The following ZFHX3 variants were observed in gnomAD, a reference collection of about 807,000 sequenced individuals.
The protein encoded by ZFHX3 is zinc finger homeobox 3, also known as zinc finger homeobox protein 3.
Under a neutral mutation model 279.1 loss-of-function variants are expected in ZFHX3, and 42 were observed. That is an observed-to-expected ratio of 0.15 (90% CI 0.12 to 0.19). ZFHX3 has a LOEUF of 0.19. Ranked by LOEUF, ZFHX3 falls within the 10% of genes least tolerant of loss-of-function variation. The pLI is 1.00. For synonymous variants in ZFHX3, 2,293 were observed against 1,957.8 expected (o/e 1.17, Z -4.52); for missense variants, 4,981 against 4,754.0 (o/e 1.05, Z -1.40).
chr16:73,383,521 G>A (rs2016850210), intron 3 of ZFHX3, among the ~76,000 whole-genome samples: 1 of 152,210 alleles, frequency 6.6e-6, no homozygotes, highest in Non-Finnish European at 1.5e-5. Context: ...GAGAGGCAGC[G>A]GAGCTGACAT....
chr16:73,693,200 T>C (rs1293768881), intron 1 of ZFHX3, among the ~76,000 whole-genome samples: 3 of 152,158 alleles, frequency 2.0e-5, no homozygotes, highest in Non-Finnish European at 2.9e-5. Flanking sequence ...AGTAGCACTT[T>C]TCAGAGATAA....
rs191168751 is a variant in ZFHX3, at chr16:73,180,955, G to A, written c.-1103-37124C>T. Among the ~76,000 whole-genome samples, 1,074 of 152,284 alleles carry A rather than the reference G, an allele frequency of 7.1e-3. 13 individuals are homozygous for A. Among genetic ancestry groups the A allele is most frequent in the Non-Finnish European group, 9.6e-3 (651 of 68,020 alleles). On this transcript the variant is annotated intron_variant, in intron 5 of 17. Transcript: ENST00000641206. The stretch of plus-strand genomic sequence containing the variant: ...TGGGATTACAGGCGTGAGCCACCGC[G>A]CCTGGCCCATTGTGCTTCTTTAAAT...
chr16:73,721,161 C>T (rs1186807942), intron 1 of ZFHX3, among the ~76,000 whole-genome samples: 1 of 151,808 alleles, frequency 6.6e-6, no homozygotes, highest in African/African-American at 2.4e-5. Flanking sequence ...CTCACTCTGT[C>T]GCCAGGCTGG....
rs1050582649 is a variant in ZFHX3, at chr16:73,339,972, A to C, written c.-1290-21636T>G. ...AAGTTGGCAGTCAGGGCTGTCAATGAGAGAGTCACCTTTGGGCCAGAAAGC... is the reference window on the plus strand; with the variant it reads ...AAGTTGGCAGTCAGGGCTGTCAATGCGAGAGTCACCTTTGGGCCAGAAAGC... On this transcript the variant is annotated intron_variant, in intron 3 of 17. Coordinates refer to the ZFHX3 transcript ENST00000641206. Among the ~76,000 whole-genome samples, 10 of 152,214 alleles carry C rather than the reference A, an allele frequency of 6.6e-5. 1 individual carries two copies. The highest frequency in any genetic ancestry group is 2.4e-4 in the African/African-American group (10 of 41,444).
chr16:73,300,794 A>G (rs998651267), intron 4 of ZFHX3, among the ~76,000 whole-genome samples: 1 of 152,196 alleles, frequency 6.6e-6, no homozygotes, highest in Non-Finnish European at 1.5e-5. Context: ...ATGAGCCACC[A>G]TGCCCAGCCT....
intron 1 of ZFHX3, among the ~76,000 whole-genome samples, chr16:73,711,373 G>C (rs570580815): frequency 6.6e-6 from 1 of 152,298 alleles, no homozygotes; most frequent in South Asian, 2.1e-4. Flanking sequence ...GACTCCCATA[G>C]TAATATTTGT....
chr16:73,539,214 T>C (rs1455414926), intron 2 of ZFHX3, among the ~76,000 whole-genome samples: 2 of 151,940 alleles, frequency 1.3e-5, no homozygotes, highest in African/African-American at 4.8e-5. Flanking sequence ...TCTGTGACTG[T>C]GTGGCCTGGT....
chr16:72,821,970 A>C (rs1042452602), intron 5 of ZFHX3: 1 of 152,214 alleles, frequency 6.6e-6, no homozygotes, highest in South Asian at 2.1e-4. Flanking sequence ...CCTGCTAGAC[A>C]AATTCTAAAA....
intron 2 of ZFHX3, among the ~76,000 whole-genome samples, chr16:73,591,956 G>T (rs1236539857): frequency 6.6e-6 from 1 of 152,092 alleles, no homozygotes. Context: ...TCTTGGCCAG[G>T]TATGGTGGCT....
chr16:72,813,523 A>C (rs1169760756), intron 5 of ZFHX3, among the ~76,000 whole-genome samples: 1 of 152,234 alleles, frequency 6.6e-6, no homozygotes, highest in African/African-American at 2.4e-5. Flanking sequence ...CTCTTCCCAG[A>C]GTGCACATCT....
At chr16:73,810,729 G>A (rs936854795) in intron 1 of ZFHX3, among the ~76,000 whole-genome samples, 1 of 152,072 alleles carries the variant, frequency 6.6e-6, no homozygotes, top group African/African-American at 2.4e-5. Flanking sequence ...AACTATCAGG[G>A]AAATCTTAGA....
At chr16:73,592,678 T>C (rs1424151382) in intron 2 of ZFHX3, among the ~76,000 whole-genome samples, 5 of 152,064 alleles carry the variant, frequency 3.3e-5, no homozygotes, top group Non-Finnish European at 4.4e-5. Context: ...GATGGGGGCC[T>C]TAGGGTTCAT....
At chr16:73,567,126 G>T (rs368570574) in intron 2 of ZFHX3, among the ~76,000 whole-genome samples, 1 of 152,132 alleles carries the variant, frequency 6.6e-6, no homozygotes, top group African/African-American at 2.4e-5. Flanking sequence ...TGGGATTACC[G>T]ATGGGTCCCT....
upstream of ZFHX3, among the ~76,000 whole-genome samples, chr16:73,050,720 A>G (rs1965432959): frequency 6.6e-6 from 1 of 152,158 alleles, no homozygotes; most frequent in African/African-American, 2.4e-5. Context: ...CCCAGCAGTG[A>G]CAGCCTGACA....
chr16:73,780,744 A>G (rs1959441487), intron 1 of ZFHX3, among the ~76,000 whole-genome samples: 1 of 152,142 alleles, frequency 6.6e-6, no homozygotes, highest in Non-Finnish European at 1.5e-5. Flanking sequence ...GCCTGGCCTC[A>G]TTGCAGTTGA....
intron 5 of ZFHX3, among the ~76,000 whole-genome samples, chr16:73,169,566 T>C (rs1290871781): frequency 2.0e-5 from 3 of 151,432 alleles, no homozygotes; most frequent in African/African-American, 7.3e-5. Flanking sequence ...CACTTGAACC[T>C]GGGAGGCAGA....
chr16:73,601,630 G>T (rs1003307735), intron 2 of ZFHX3, among the ~76,000 whole-genome samples: 1 of 152,152 alleles, frequency 6.6e-6, no homozygotes, highest in Non-Finnish European at 1.5e-5. Context: ...TTAACAGACA[G>T]TTCTTTTGAT....
rs370060983 is a variant in ZFHX3, at chr16:72,788,501, T to C, written c.9775A>G (p.Lys3259Glu). 47 of 1,614,124 alleles carry C rather than the reference T, an allele frequency of 2.9e-5. No homozygotes were observed. In the Middle Eastern group the frequency reaches 5.0e-4, roughly 17 times the overall value. The part of the protein sequence containing the change: ...GKGEPLPVPK[K>E]EKGEAPTATA... ...GCCGTGGGGGCCTCTCCTTTCTCCT[T>C]CTTGGGGACAGGCAGGGGTTCCCCT... Residue 3259 changes from lysine to glutamate, a missense_variant, in exon 10 of 10, where the codon AAG becomes GAG. This residue lies in a region of ZFHX3 where 1,034 missense variants were observed against 786.0 expected (regional missense o/e 1.32). Transcript: ENST00000268489.
intron 2 of ZFHX3, among the ~76,000 whole-genome samples, chr16:73,582,075 A>G (rs1308633184): frequency 6.6e-6 from 1 of 151,914 alleles, no homozygotes; most frequent in Non-Finnish European, 1.5e-5. Context: ...GTTTTTCAAA[A>G]GCATGGTAGC....
Sources: gnomAD v4.1 joint callset for allele counts (sites outside exome capture counted in the v4.1 genomes callset) on GRCh38, gnomAD v4.1.1 for gene constraint, gnomAD v4.1.1 regional missense constraint, MANE v1.5 for transcripts, NCBI Gene and HGNC (gene_info 2026-07-23, HGNC 2026-07-21) for gene names.